PRKG1: variants seen among roughly 807,000 people sequenced by gnomAD.
The protein encoded by PRKG1 is cGMP-dependent protein kinase 1.
In PRKG1, 35 loss-of-function variants were observed where a neutral mutation model predicts 88.1. That is an observed-to-expected ratio of 0.40 (90% CI 0.30 to 0.53). The LOEUF (loss-of-function observed/expected upper bound fraction) is 0.53. Ranked by LOEUF, PRKG1 falls within the 20% of genes least tolerant of loss-of-function variation. The pLI, the probability that PRKG1 is intolerant of heterozygous loss-of-function variation, is 0.59. For missense variants in PRKG1, 540 were observed against 839.8 expected, an observed-to-expected ratio of 0.64 and a Z score of 4.41; for synonymous variants, 303 against 292.5, an observed-to-expected ratio of 1.04 and a Z score of -0.37.
chr10:51,581,204 A>C (rs775981015), intron 3 of PRKG1, among the ~76,000 whole-genome samples: 13 of 152,162 alleles, frequency 8.5e-5, no homozygotes, highest in Non-Finnish European at 1.6e-4. Context: ...CAGAGATAAG[A>C]ATTTACAATA....
intron 1 of PRKG1, among the ~76,000 whole-genome samples, chr10:51,075,112 G>A (rs1843914725): frequency 6.6e-6 from 1 of 152,212 alleles, no homozygotes; most frequent in African/African-American, 2.4e-5. Context: ...GTCTTTGTCA[G>A]ATGTCAAGGT....
chr10:52,157,401 G>A (rs1462908693), intron 8 of PRKG1, among the ~76,000 whole-genome samples: 1 of 147,796 alleles, frequency 6.8e-6, no homozygotes, highest in Admixed American at 6.9e-5. Flanking sequence ...TTTTTTAGCA[G>A]TGGTAATGCT....
intron 3 of PRKG1, among the ~76,000 whole-genome samples, chr10:51,788,517 A>C (rs1160990060): frequency 6.6e-6 from 1 of 152,176 alleles, no homozygotes; most frequent in Non-Finnish European, 1.5e-5. Flanking sequence ...CCAAACTTAG[A>C]GAATGACATA....
At chr10:51,871,241 G>A (rs1038851319) in intron 4 of PRKG1, among the ~76,000 whole-genome samples, 7 of 152,196 alleles carry the variant, frequency 4.6e-5, no homozygotes, top group Non-Finnish European at 1.5e-5. Flanking sequence ...TGGTAGAATG[G>A]TAGTAACCAT....
intron 4 of PRKG1, among the ~76,000 whole-genome samples, chr10:51,905,496 C>T (rs896630310): frequency 6.6e-6 from 1 of 152,124 alleles, no homozygotes; most frequent in East Asian, 1.9e-4. Context: ...TCAGTTATAG[C>T]CTTTTCTCCA....
At chr10:51,453,266 G>A (rs1422026977) in intron 2 of PRKG1, among the ~76,000 whole-genome samples, 2 of 151,552 alleles carry the variant, frequency 1.3e-5, no homozygotes, top group Non-Finnish European at 3.0e-5. Context: ...TTTATCTTTT[G>A]TATTTGTTGT....
chr10:52,295,620 A>G lies in PRKG1; in HGVS notation c.*1720A>G, dbSNP rs1443670832. On this transcript the variant is annotated 3_prime_UTR_variant, in exon 18 of 18. Coordinates refer to ENST00000373980, the MANE Select transcript of PRKG1 (RefSeq NM_006258.4). ...TGTTTTGGCCCTGTGTGAATTTGGTATATTAAATTGACGCTTGCTTTTTTT... is the reference window on the plus strand; with the variant it reads ...TGTTTTGGCCCTGTGTGAATTTGGTGTATTAAATTGACGCTTGCTTTTTTT... The G allele has an allele frequency of 6.6e-6, 1 of 151,928 alleles. No individual in the cohort carries two copies. The highest frequency in any genetic ancestry group is 1.9e-4 in the East Asian group (1 of 5,188). 9.4% of individuals were successfully genotyped at this position (151,928 alleles called of 1,614,324 possible).
chr10:51,730,987 C>T (rs1241544857), intron 3 of PRKG1, among the ~76,000 whole-genome samples: 1 of 152,066 alleles, frequency 6.6e-6, no homozygotes, highest in Non-Finnish European at 1.5e-5. Flanking sequence ...GAAACCCTGT[C>T]TCTACTAAAA....
At chr10:51,082,879 A>G (rs1193234085) in intron 1 of PRKG1, among the ~76,000 whole-genome samples, 3 of 152,164 alleles carry the variant, frequency 2.0e-5, no homozygotes, top group Non-Finnish European at 4.4e-5. Context: ...GCTTTAAAAC[A>G]TACATTTGCT....
intron 2 of PRKG1, among the ~76,000 whole-genome samples, chr10:51,169,591 C>T (rs552453131): frequency 8.6e-5 from 12 of 138,810 alleles, no homozygotes; most frequent in African/African-American, 2.2e-4. Context: ...CCAACACATA[C>T]GACATTATAT....
intron 3 of PRKG1, among the ~76,000 whole-genome samples, chr10:51,541,446 G>T (rs1589059957): frequency 6.6e-6 from 1 of 152,220 alleles, no homozygotes; most frequent in East Asian, 1.9e-4. Flanking sequence ...CTATTTCTTG[G>T]ATCCCATGTT....
chr10:51,154,539 CATA>C (rs1589199525), intron 2 of PRKG1, among the ~76,000 whole-genome samples: 7 of 151,948 alleles, frequency 4.6e-5, no homozygotes, highest in Admixed American at 3.9e-4. Flanking sequence ...AACACCACAA[CATA>C]ATAATAAGTA....
Position 51,252,238 on chromosome 10 carries a change from T to C in PRKG1, c.478+98908T>C, listed in dbSNP as rs113994489. 4.1e-3 allele frequency among the ~76,000 whole-genome samples: 617 copies of C among 151,932 alleles called. 4 individuals are homozygous for C. Among genetic ancestry groups the C allele is most frequent in the African/African-American group, 0.014 (589 of 41,526 alleles). On this transcript the variant is annotated intron_variant, in intron 2 of 17. Transcript: ENST00000373980. ...GTATAGTATTTGTCTTCTAATAGAC[T>C]AGGAATTGCAAGTCTTCAGGTGATA...
intron 9 of PRKG1, among the ~76,000 whole-genome samples, chr10:52,243,289 G>A (rs1281063424): frequency 1.3e-5 from 2 of 152,122 alleles, no homozygotes; most frequent in African/African-American, 4.8e-5. Flanking sequence ...ATTTGCCTTT[G>A]TTTTTCAAAT....
At chr10:51,885,838 A>G (rs915525292) in intron 4 of PRKG1, among the ~76,000 whole-genome samples, 1 of 152,128 alleles carries the variant, frequency 6.6e-6, no homozygotes. Flanking sequence ...CCCAAAGCAC[A>G]TGATTACCTC....
intron 2 of PRKG1, among the ~76,000 whole-genome samples, chr10:51,436,149 AG>A (rs372954938): frequency 3.0e-4 from 45 of 151,734 alleles, no homozygotes; most frequent in African/African-American, 1.1e-3. Flanking sequence ...GGTGCTGGGA[AG>A]GGTTAGAGTT....
intron 9 of PRKG1, among the ~76,000 whole-genome samples, chr10:52,223,862 G>A (rs11598203): frequency 0.11 from 17,158 of 151,832 alleles, 1,595 homozygotes; most frequent in African/African-American, 0.25. Flanking sequence ...TCGTATCTTG[G>A]TCCAACAGCA....
At position 51,360,074 on chromosome 10, in the gene PRKG1, G is replaced by A. The variant is rs181092350; in HGVS notation, c.479-107649G>A. ...GGGAAAATGTTAGTTGAGAATTATGGTAGTTTTATTAAAGCTAATTAGATC... is the reference window on the plus strand; with the variant it reads ...GGGAAAATGTTAGTTGAGAATTATGATAGTTTTATTAAAGCTAATTAGATC... On this transcript the variant is annotated intron_variant, in intron 2 of 17. Coordinates refer to ENST00000373980, the MANE Select transcript of PRKG1 (RefSeq NM_006258.4). Among the ~76,000 whole-genome samples the A allele has an allele frequency of 1.1e-4, 16 of 152,022 alleles. No homozygotes were observed. The East Asian group carries it at 3.1e-3, about 30-fold the overall frequency.
intron 2 of PRKG1, among the ~76,000 whole-genome samples, chr10:51,423,776 G>A (rs999941668): frequency 6.6e-6 from 1 of 152,096 alleles, no homozygotes; most frequent in South Asian, 2.1e-4. Flanking sequence ...ATAGTTCGCA[G>A]AGGTCACTGG....
Sources: gnomAD v4.1 joint callset for allele counts (sites outside exome capture counted in the v4.1 genomes callset) on GRCh38, gnomAD v4.1.1 for gene constraint, MANE v1.5 for transcripts, NCBI Gene and HGNC (gene_info 2026-07-23, HGNC 2026-07-21) for gene names.